Variants in COMMD10 observed in about 807,000 individuals in gnomAD.
COMMD10 encodes the protein COMM domain containing 10.
Under a neutral mutation model 28.9 loss-of-function variants are expected in COMMD10, and 33 were observed. The ratio of observed to expected loss-of-function variants is 1.14; its 90% CI spans 0.87 to 1.53. The LOEUF (loss-of-function observed/expected upper bound fraction) is 1.53, where lower values mean the gene tolerates loss of function less well. Among genes scored for constraint, COMMD10 ranks in the 40% most tolerant of loss-of-function variants. The pLI is 0.00. For synonymous variants in COMMD10, 110 were observed against 81.7 expected (o/e 1.35, Z -1.87); for missense variants, 310 against 233.4 (o/e 1.33, Z -2.14).
At chr5:116,172,205 G>A (rs748524709) in intron 5 of COMMD10, among the ~76,000 whole-genome samples, 16 of 152,036 alleles carry the variant, frequency 1.1e-4, no homozygotes, top group Admixed American at 3.3e-4. Flanking sequence ...TATTTTTATG[G>A]CAAGATTTTA....
At chr5:116,193,638 T>C (rs1450878929) in intron 5 of COMMD10, among the ~76,000 whole-genome samples, 1 of 152,046 alleles carries the variant, frequency 6.6e-6, no homozygotes, top group African/African-American at 2.4e-5. Flanking sequence ...CCTAAACATA[T>C]GCACCTAACA....
chr5:116,140,597 C>T (rs1221162512), intron 5 of COMMD10, among the ~76,000 whole-genome samples: 1 of 151,678 alleles, frequency 6.6e-6, no homozygotes, highest in Non-Finnish European at 1.5e-5. Context: ...TGTCTCTTGT[C>T]TTTTTGATAA....
At chr5:116,180,915 G>A (rs1308091290) in intron 5 of COMMD10, among the ~76,000 whole-genome samples, 1 of 152,080 alleles carries the variant, frequency 6.6e-6, no homozygotes, top group Non-Finnish European at 1.5e-5. Context: ...CACTTTGGGA[G>A]GCTGAGGCGG....
chr5:116,182,196 A>G (rs550212821), intron 5 of COMMD10, among the ~76,000 whole-genome samples: 7 of 152,120 alleles, frequency 4.6e-5, no homozygotes, highest in Non-Finnish European at 1.0e-4. Flanking sequence ...AATTGAATGT[A>G]TACAGGCTTT....
At chr5:116,175,334 A>G (rs1357086257) in intron 5 of COMMD10, among the ~76,000 whole-genome samples, 2 of 152,130 alleles carry the variant, frequency 1.3e-5, no homozygotes, top group African/African-American at 4.8e-5. Context: ...GAATGAATAG[A>G]TGGTTTTAAG....
chr5:116,132,336 A>C (rs1580474223), intron 4 of COMMD10, among the ~76,000 whole-genome samples: 1 of 152,146 alleles, frequency 6.6e-6, no homozygotes, highest in African/African-American at 2.4e-5. Context: ...ATTTTATATG[A>C]GGAAATTGAG....
intron 5 of COMMD10, among the ~76,000 whole-genome samples, chr5:116,266,656 T>G (rs914805742): frequency 4.0e-5 from 6 of 151,710 alleles, no homozygotes; most frequent in African/African-American, 1.5e-4. Flanking sequence ...CAGAGAATTT[T>G]AGCCCATTAT....
chr5:116,265,542 A>G (rs1161491665), intron 5 of COMMD10, among the ~76,000 whole-genome samples: 2 of 149,566 alleles, frequency 1.3e-5, no homozygotes. Context: ...CATTTTCCAT[A>G]CGGCTTTATT....
At chr5:116,277,934 G>A (rs562225913) in intron 5 of COMMD10, among the ~76,000 whole-genome samples, 2 of 151,892 alleles carry the variant, frequency 1.3e-5, no homozygotes, top group South Asian at 2.1e-4. Flanking sequence ...TGAATCTAAT[G>A]CAGTCATTTT....
At chr5:116,183,023 C>T (rs888569820) in intron 5 of COMMD10, among the ~76,000 whole-genome samples, 3 of 152,118 alleles carry the variant, frequency 2.0e-5, no homozygotes, top group Admixed American at 6.6e-5. Context: ...TTCCTGAGGC[C>T]TCTCCAGCAA....
At chr5:116,244,805 G>A (rs942022801) in intron 5 of COMMD10, among the ~76,000 whole-genome samples, 5 of 151,734 alleles carry the variant, frequency 3.3e-5, no homozygotes, top group South Asian at 4.2e-4. Context: ...ACAAAATACC[G>A]GAATCTATGG....
intron 5 of COMMD10, among the ~76,000 whole-genome samples, chr5:116,257,066 A>G (rs544473463): frequency 6.6e-6 from 1 of 151,864 alleles, no homozygotes; most frequent in East Asian, 1.9e-4. Context: ...TCTACTCTGT[A>G]TTTTATTTTT....
intron 5 of COMMD10, among the ~76,000 whole-genome samples, chr5:116,193,542 A>G (rs562033213): frequency 1.8e-4 from 27 of 152,306 alleles, no homozygotes; most frequent in African/African-American, 5.8e-4. Flanking sequence ...TGTCAGACAA[A>G]ACAAACTTTA....
rs1749321795 is a variant in COMMD10, at chr5:116,223,698, A to C, written c.511-67819A>C. Among the ~76,000 whole-genome samples the C allele has an allele frequency of 1.3e-5, 2 of 152,180 alleles. 1 individual carries two copies. The highest frequency in any genetic ancestry group is 2.9e-5 in the Non-Finnish European group (2 of 68,034). On this transcript the variant is annotated intron_variant, in intron 5 of 6. Coordinates refer to ENST00000274458, the MANE Select transcript of COMMD10 (RefSeq NM_016144.4). The stretch of plus-strand genomic sequence containing the variant: ...GAGAATGTTATTGGAGTGTAGGAAT[A>C]GTATGTTCAAAAACTCTGAAGCGAC...
chr5:116,293,251 C>T lies in COMMD10; in HGVS notation c.*762C>T, dbSNP rs779808852. 38 of 356,900 alleles carry T rather than the reference C, an allele frequency of 1.1e-4. No individual in the cohort carries two copies. The highest frequency in any genetic ancestry group is 3.6e-4 in the East Asian group (9 of 24,664). The allele number at this position is 356,900 out of a possible 1,614,324, so 22.1% of individuals were successfully genotyped here. Reference sequence around the variant, plus strand: ...CTTTTATATTCTCTTTCCATAAATACGTTGATTTCTGTCAATAAAATTTTT... The same window carrying T: ...CTTTTATATTCTCTTTCCATAAATATGTTGATTTCTGTCAATAAAATTTTT... On this transcript the variant is annotated 3_prime_UTR_variant, in exon 7 of 7. Coordinates refer to ENST00000274458, the MANE Select transcript of COMMD10 (RefSeq NM_016144.4).
At chr5:116,143,612 C>A (rs1752257623) in intron 5 of COMMD10, among the ~76,000 whole-genome samples, 1 of 151,582 alleles carries the variant, frequency 6.6e-6, no homozygotes, top group African/African-American at 2.4e-5. Flanking sequence ...TTTAGAAGTA[C>A]CTTTAAATTT....
In COMMD10 at chr5:116,219,134, G is replaced by A. The variant is rs972616063; in HGVS notation, c.511-72383G>A. ...AAGCCACAGGAGAAACCAGCCCTGC[G>A]GACAACTTGATCTTGGACTTTCAGC... On this transcript the variant is annotated intron_variant, in intron 5 of 6. Coordinates refer to ENST00000274458, the MANE Select transcript of COMMD10 (RefSeq NM_016144.4). 1.6e-4 allele frequency among the ~76,000 whole-genome samples: 24 copies of A among 152,184 alleles called. No individual in the cohort carries two copies. The East Asian group carries it at 2.3e-3, about 15-fold the overall frequency.
At chr5:116,210,064 A>G (rs1003527797) in intron 5 of COMMD10, among the ~76,000 whole-genome samples, 3 of 152,114 alleles carry the variant, frequency 2.0e-5, no homozygotes, top group Non-Finnish European at 2.9e-5. Context: ...CTTAGAAGAC[A>G]GAGAAAAAAT....
At chr5:116,273,800 A>G (rs1750822796) in intron 5 of COMMD10, among the ~76,000 whole-genome samples, 1 of 151,774 alleles carries the variant, frequency 6.6e-6, no homozygotes, top group African/African-American at 2.4e-5. Context: ...TTGACTTCAT[A>G]TGAATAAATG....
Sources: allele counts gnomAD v4.1 joint callset (sites outside exome capture counted in the v4.1 genomes callset), GRCh38; gene constraint gnomAD v4.1.1; transcripts MANE v1.5; gene names NCBI Gene and HGNC (gene_info 2026-07-23, HGNC 2026-07-21).